Variants in TADA3 observed in about 807,000 individuals in gnomAD.
TADA3 encodes the protein transcriptional adapter 3.
A neutral mutation model predicts 43.2 loss-of-function variants in TADA3; 25 were observed. The observed-to-expected ratio is 0.58, with a 90% CI of 0.42 to 0.81. TADA3 has a LOEUF of 0.81. Among genes scored for constraint, TADA3 ranks in the 30% least tolerant of loss-of-function variants. The pLI, the probability that TADA3 is intolerant of heterozygous loss-of-function variation, is 0.00. For synonymous variants in TADA3, 235 were observed against 225.5 expected (o/e 1.04, Z -0.38); for missense variants, 441 against 567.8 (o/e 0.78, Z 2.27).
chr3:9,786,449 A>G (rs1241605395), intron 6 of TADA3, among the ~76,000 whole-genome samples: 1 of 152,212 alleles, frequency 6.6e-6, no homozygotes, highest in African/African-American at 2.4e-5. Context: ...CTGAGTCTCA[A>G]TGAGGTGAAA....
At chr3:9,790,405 T>G (rs959371497) in intron 2 of TADA3, among the ~76,000 whole-genome samples, 1 of 152,206 alleles carries the variant, frequency 6.6e-6, no homozygotes, top group African/African-American at 2.4e-5. Flanking sequence ...CATTCATCCT[T>G]TTAGGTCCAG....
chr3:9,792,972 G>T (rs1005777087), upstream of TADA3: 6 of 1,423,326 alleles, frequency 4.2e-6, no homozygotes, highest in South Asian at 1.4e-5. Flanking sequence ...AGGCCCAAGC[G>T]TTCGTAAGGG....
intron 4 of TADA3, among the ~76,000 whole-genome samples, chr3:9,788,917 C>A (rs986866255): frequency 6.6e-6 from 1 of 151,154 alleles, no homozygotes; most frequent in African/African-American, 2.4e-5. Context: ...CTCACTGCAA[C>A]TTCCACCTCC....
intron 5 of TADA3, 29 bp downstream of exon 5, chr3:9,787,169 CT>C: frequency 6.2e-7 from 1 of 1,614,172 alleles, no homozygotes; most frequent in Non-Finnish European, 8.5e-7. Context: ...AAGTCCTGAC[CT>C]GGGGTTGGCA....
rs1290867923 is a variant in TADA3 at position 9,787,021 on chromosome 3, C to T, written c.795G>A (p.Leu265=). 1 of 1,614,110 alleles carries T rather than the reference C, an allele frequency of 6.2e-7. No homozygotes were observed. The highest frequency in any genetic ancestry group is 1.7e-5 in the Admixed American group (1 of 60,020). ...GGCTGCTCACCTCCACCAGGGCCTG[C>T]AGGAGGCGCTGCGTCAGGGCACCAA... ...CPFGALTQRL[L]QALVEENIIS... is the part of the protein sequence containing the mutation. The change falls in exon 6 of 9, where the codon CTG becomes CTA. Residue 265 remains leucine (L), a synonymous_variant. Coordinates refer to ENST00000301964, the MANE Select transcript of TADA3 (RefSeq NM_006354.5).
At chr3:9,783,238 CAAAA>C (rs905492730) in intron 8 of TADA3, 26 of 151,158 alleles carry the variant, frequency 1.7e-4, no homozygotes, top group African/African-American at 5.8e-4. Flanking sequence ...CATGAAAAGA[CAAAA>C]AATAAATCAC....
intron 8 of TADA3, among the ~76,000 whole-genome samples, chr3:9,782,790 CA>C (rs36123956): frequency 0.012 from 1,393 of 119,962 alleles, 21 homozygotes; most frequent in African/African-American, 0.042. Context: ...GACACCGTCT[CA>C]AAAAAAAAAA....
chr3:9,785,357 G>A lies in TADA3; in HGVS notation c.879C>T (p.Asp293=), dbSNP rs745606972. The part of the protein sequence containing the change: ...PDMSGKESGA[D]GASTSPRNQN... Reference sequence around the variant, plus strand: ...GATTGCGAGGGGAGGTGCTTGCCCCGTCAGCCCCTGATTCTTTCCCAGACA... The same window carrying A: ...GATTGCGAGGGGAGGTGCTTGCCCCATCAGCCCCTGATTCTTTCCCAGACA... The change falls in exon 7 of 9, where the codon GAC becomes GAT. Residue 293 remains aspartate, a synonymous_variant. Transcript: ENST00000301964. The A allele has an allele frequency of 2.5e-5, 40 of 1,613,872 alleles. No homozygotes were observed. Among genetic ancestry groups the A allele is most frequent in the South Asian group, 5.5e-5 (5 of 91,064 alleles).
Position 9,780,170 on chromosome 3 carries a change from C to T in TADA3, c.*187G>A, listed in dbSNP as rs2078426039. 3.6e-6 allele frequency: 2 copies of T among 553,876 alleles called. No homozygotes were observed. Among genetic ancestry groups the T allele is most frequent in the Admixed American group, 3.4e-5 (1 of 29,694 alleles). The allele number at this position is 553,876 out of a possible 1,614,324, so 34.3% of individuals were successfully genotyped here. On this transcript the variant is annotated 3_prime_UTR_variant, in exon 9 of 9. Transcript: ENST00000301964. ...GAGACTAGGCCTCAGGCTAGCCCAGCAGGGCTTCCTGTGTCCTGGTTGTAC... is the reference window on the plus strand; with the variant it reads ...GAGACTAGGCCTCAGGCTAGCCCAGTAGGGCTTCCTGTGTCCTGGTTGTAC...
In TADA3 at chr3:9,784,012, T is replaced by C. The variant is rs1247814639; in HGVS notation, c.1106+16A>G. On this transcript the variant is annotated intron_variant, in intron 8 of 8. Transcript: ENST00000301964. The stretch of plus-strand genomic sequence containing the variant: ...CCAAGGCCACCCCCGGGACTGTGCA[T>C]CCTGCTAACGCTCACCTCAGCAGGT... 2 of 1,607,928 alleles carry C rather than the reference T, an allele frequency of 1.2e-6. No homozygotes were observed. The highest frequency in any genetic ancestry group is 8.5e-7 in the Non-Finnish European group (1 of 1,175,166).
At chr3:9,786,650 C>A (rs988740842) in intron 6 of TADA3, among the ~76,000 whole-genome samples, 4 of 152,286 alleles carry the variant, frequency 2.6e-5, no homozygotes, top group Middle Eastern at 3.4e-3. Flanking sequence ...GCCCCTCCAA[C>A]AGATGCTTAG....
intron 8 of TADA3, chr3:9,781,700 C>T (rs2078469923): frequency 7.1e-6 from 3 of 424,106 alleles, no homozygotes; most frequent in African/African-American, 4.1e-5. Flanking sequence ...GTCCAGCCTG[C>T]CAGTTTTCCA....
intron 8 of TADA3, among the ~76,000 whole-genome samples, chr3:9,782,424 TGAGA>T (rs1246785049): frequency 1.1e-4 from 17 of 152,200 alleles, no homozygotes; most frequent in Non-Finnish European, 2.4e-4. Flanking sequence ...TCAAGACACT[TGAGA>T]GAGTGTACAT....
chr3:9,789,861 G>A lies in TADA3; in HGVS notation c.310C>T (p.Gln104Ter). 6.2e-7 allele frequency: 1 copy of A among 1,614,244 alleles called. No individual in the cohort carries two copies. The highest frequency in any genetic ancestry group is 8.5e-7 in the Non-Finnish European group (1 of 1,180,046). ...APPKHGKPKK[Q>*]KLEGKAGHGP... ...TGTCCTGCCTTCCCTTCCAGTTTCT[G>A]CTTCTTGGGCTTCCCATGTTTGGGG... The change falls in exon 3 of 9, where the codon CAG becomes TAG. Residue 104 changes from glutamine to a stop codon, truncating the protein, a stop_gained. Coordinates refer to ENST00000301964, the MANE Select transcript of TADA3 (RefSeq NM_006354.5). LOFTEE classifies it high-confidence loss of function.
Position 9,789,774 on chromosome 3 carries a change from A to G in TADA3, c.397T>C (p.Tyr133His). 1 of 1,614,192 alleles carries G rather than the reference A, an allele frequency of 6.2e-7. No individual in the cohort carries two copies. Among genetic ancestry groups the G allele is most frequent in the Non-Finnish European group, 8.5e-7 (1 of 1,180,040 alleles). Residue 133 changes from tyrosine (Y) to histidine (H), a missense_variant, in exon 3 of 9, where the codon TAT becomes CAT. Transcript: ENST00000301964. ...TCGATAGGGTCATCAGTGAATTCATATTCCTGGATCTTGGGCTGAAGGTTT... is the reference window on the plus strand; with the variant it reads ...TCGATAGGGTCATCAGTGAATTCATGTTCCTGGATCTTGGGCTGAAGGTTT... The part of the protein sequence containing the change: ...SKNLQPKIQE[Y>H]EFTDDPIDVP...
At chr3:9,780,627 A>C in intron 8 of TADA3, 78 bp from the exon 9 acceptor site, 1 of 1,445,602 alleles carries the variant, frequency 6.9e-7, no homozygotes, top group East Asian at 2.5e-5. Flanking sequence ...GACCGAGCCT[A>C]CCCACCAGCC....
Position 9,789,621 on chromosome 3 carries a change from G to C in TADA3, c.459-7C>G. 1 of 1,613,742 alleles carries C rather than the reference G, an allele frequency of 6.2e-7. No homozygotes were observed. The highest frequency in any genetic ancestry group is 8.5e-7 in the Non-Finnish European group (1 of 1,179,782). On this transcript the variant is annotated splice_polypyrimidine_tract_variant and splice_region_variant and intron_variant, in intron 3 of 8. Coordinates refer to ENST00000301964, the MANE Select transcript of TADA3 (RefSeq NM_006354.5). ...CTCCACTGAAGCCCAGAACCTGCAG[G>C]GAGAAGCAGATCCTGAGTGGGCGCC...
At chr3:9,784,253 T>A in intron 7 of TADA3, 40 bp from the exon 8 acceptor site, 1 of 1,582,166 alleles carries the variant, frequency 6.3e-7, no homozygotes, top group South Asian at 1.1e-5. Context: ...AAGAGCCAGC[T>A]TGGAGAAGGG....
chr3:9,781,457 G>C (rs9832913), intron 8 of TADA3: 1 of 447,820 alleles, frequency 2.2e-6, no homozygotes, highest in African/African-American at 2.0e-5. Context: ...GTTAGTGAGG[G>C]GGAGATCTGG....
Sources: gnomAD v4.1 joint callset for allele counts (sites outside exome capture counted in the v4.1 genomes callset) on GRCh38, gnomAD v4.1.1 for gene constraint, MANE v1.5 for transcripts, NCBI Gene and HGNC (gene_info 2026-07-23, HGNC 2026-07-21) for gene names.